Variants in ORC1 observed in about 807,000 individuals in gnomAD.
ORC1 encodes origin recognition complex, subunit 1 homolog.
ORC1 carries 61 observed loss-of-function variants against 98.9 expected under a neutral mutation model. That is an observed-to-expected ratio of 0.62 (90% CI 0.50 to 0.76). The LOEUF is 0.76. ORC1 is among the 30% of genes least tolerant of loss of function. The pLI, the probability that ORC1 is intolerant of heterozygous loss-of-function variation, is 0.00. For synonymous variants in ORC1, 385 were observed against 406.9 expected (o/e 0.95, Z 0.65); for missense variants, 979 against 1,072.2 (o/e 0.91, Z 1.21).
intron 11 of ORC1, 147 bp downstream of exon 11, chr1:52,384,403 G>T: frequency 1.3e-6 from 1 of 775,430 alleles, no homozygotes; most frequent in South Asian, 1.4e-5. Context: ...TAAGAATTCT[G>T]TCTTCCTTGC....
intron 9 of ORC1, among the ~76,000 whole-genome samples, chr1:52,385,628 G>A (rs1164465478): frequency 6.6e-6 from 1 of 152,192 alleles, no homozygotes; most frequent in Non-Finnish European, 1.5e-5. Context: ...GCAGTAGACG[G>A]GAAGGCCAGT....
chr1:52,396,129 T>TCAA lies in ORC1; in HGVS notation c.635_637dup (p.Ile212_Glu213insVal), dbSNP rs1647382840. On this transcript the variant is annotated inframe_insertion, in exon 5 of 17. Transcript: ENST00000371568. ...AGATTTGGAGGCGGAGTGCCTTGAT[T>TCAA]CAATCCTTTTGGCCACATGTTCTGC... 1 of 1,614,068 alleles carries TCAA rather than the reference T, an allele frequency of 6.2e-7. No homozygotes were observed. Among genetic ancestry groups the TCAA allele is most frequent in the Admixed American group, 1.7e-5 (1 of 60,002 alleles).
chr1:52,385,839 A>G lies in ORC1; in HGVS notation c.1481+13T>C. ...TTCCTGCCTCTCTGAAGGGGAATCA[A>G]CAGCAGCAGTACCTCAGTCGGGCTT... On this transcript the variant is annotated intron_variant, in intron 9 of 16. Transcript: ENST00000371568. 6.3e-7 allele frequency: 1 copy of G among 1,596,264 alleles called. No homozygotes were observed. The highest frequency in any genetic ancestry group is 8.6e-7 in the Non-Finnish European group (1 of 1,163,790).
intron 12 of ORC1, 43 bp from the exon 13 acceptor site, chr1:52,383,612 C>A: frequency 6.2e-7 from 1 of 1,609,762 alleles, no homozygotes; most frequent in African/African-American, 1.3e-5. Context: ...ATCACAGAGA[C>A]TGAGCTGGTG....
At chr1:52,395,706 C>T (rs1409763514) in intron 5 of ORC1, among the ~76,000 whole-genome samples, 1 of 152,190 alleles carries the variant, frequency 6.6e-6, no homozygotes, top group Non-Finnish European at 1.5e-5. Context: ...GTCCCAGCTA[C>T]TTGGGAGACT....
Position 52,388,503 on chromosome 1 carries a change from C to T in ORC1, c.1322G>A (p.Arg441Lys). The T allele has an allele frequency of 1.9e-6, 3 of 1,614,200 alleles. No homozygotes were observed. The highest frequency in any genetic ancestry group is 1.7e-6 in the Non-Finnish European group (2 of 1,180,026). ...LPRRAPRTVS[R>K]NLRSSLKSSL... Reference sequence around the variant, plus strand: ...TGACTTCAAGGAAGATCGCAGGTTCCTGGACACAGTTCTGGGTGCTCTCCT... The same window carrying T: ...TGACTTCAAGGAAGATCGCAGGTTCTTGGACACAGTTCTGGGTGCTCTCCT... The change falls in exon 8 of 17, where the codon AGG becomes AAG. Residue 441 changes from arginine (R) to lysine (K), a missense_variant. Coordinates refer to ENST00000371568, the MANE Select transcript of ORC1 (RefSeq NM_004153.4).
chr1:52,382,200 C>T (rs1376168324), intron 13 of ORC1, among the ~76,000 whole-genome samples: 2 of 152,088 alleles, frequency 1.3e-5, no homozygotes, highest in South Asian at 2.1e-4. Context: ...AGGATGGTCT[C>T]GATCTCCTGA....
Position 52,375,509 on chromosome 1 carries a change from A to T in ORC1, c.2224T>A (p.Ser742Thr), listed in dbSNP as rs1388509485. The T allele has an allele frequency of 1.2e-6, 2 of 1,613,998 alleles. No homozygotes were observed. The highest frequency in any genetic ancestry group is 2.7e-5 in the African/African-American group (2 of 74,908). Residue 742 changes from serine (S) to threonine (T), a missense_variant, in exon 15 of 17, where the codon TCC (serine) becomes ACC (threonine). Transcript: ENST00000371568. ...ICEFSQQKPD[S>T]PGLVTIAHSM... is the part of the protein sequence containing the mutation. The stretch of plus-strand genomic sequence containing the variant: ...TGGGCTATGGTGACCAGGCCAGGGG[A>T]GTCAGGCTTCTGCTGGGAGAACTCA...
chr1:52,382,180 C>T (rs548273483), intron 13 of ORC1, among the ~76,000 whole-genome samples: 1 of 152,050 alleles, frequency 6.6e-6, no homozygotes, highest in Non-Finnish European at 1.5e-5. Flanking sequence ...AGAGTTTCAC[C>T]GTGTTAGCCA....
chr1:52,387,081 C>T (rs889321448), intron 8 of ORC1, among the ~76,000 whole-genome samples: 5 of 152,094 alleles, frequency 3.3e-5, no homozygotes, highest in African/African-American at 1.2e-4. Flanking sequence ...GCTGAAGGTA[C>T]CCTACACCCT....
At chr1:52,389,144 G>T in intron 7 of ORC1, 73 bp downstream of exon 7, 1 of 1,066,878 alleles carries the variant, frequency 9.4e-7, no homozygotes, top group Non-Finnish European at 1.5e-6. Flanking sequence ...CAGTATAAGA[G>T]GCATTAGGAG....
At position 52,373,066 on chromosome 1, in the gene ORC1, A is replaced by G. The variant is rs1646953898; in HGVS notation, c.*115T>C. 9.0e-7 allele frequency: 1 copy of G among 1,111,714 alleles called. No individual in the cohort carries two copies. Among genetic ancestry groups the G allele is most frequent in the African/African-American group, 1.5e-5 (1 of 65,380 alleles). The allele number at this position is 1,111,714 out of a possible 1,614,324, so 68.9% of individuals were successfully genotyped here. On this transcript the variant is annotated 3_prime_UTR_variant, in exon 17 of 17. Coordinates refer to ENST00000371568, the MANE Select transcript of ORC1 (RefSeq NM_004153.4). ...GGGGTCACCTAAGCCTGAGAAGTCA[A>G]GGCTGCAGTGAGCCATGATCGTGCC...
upstream of ORC1, among the ~76,000 whole-genome samples, chr1:52,407,024 T>C (rs968895448): frequency 5.3e-5 from 8 of 151,960 alleles, no homozygotes; most frequent in East Asian, 1.3e-3. Context: ...GGAACAACTC[T>C]TTTTTTTGTT....
intron 4 of ORC1, 27 bp from the exon 5 acceptor site, chr1:52,396,391 G>A (rs1647398442): frequency 1.2e-6 from 2 of 1,613,824 alleles, no homozygotes; most frequent in Non-Finnish European, 1.7e-6. Context: ...TAGATAAGTA[G>A]GAAGAGATGA....
intron 3 of ORC1, among the ~76,000 whole-genome samples, chr1:52,399,399 C>A (rs987142606): frequency 6.6e-6 from 1 of 151,230 alleles, no homozygotes; most frequent in Non-Finnish European, 1.5e-5. Flanking sequence ...CTGAGGCGGG[C>A]GGATCATGAG....
At chr1:52,402,262 T>C (rs746522468) in intron 1 of ORC1, 34 bp from the exon 2 acceptor site, 2 of 1,490,880 alleles carry the variant, frequency 1.3e-6, no homozygotes, top group South Asian at 2.3e-5. Flanking sequence ...GTTACCATGA[T>C]AAATATTTGG....
chr1:52,383,770 C>T (rs2147923394), intron 12 of ORC1, 60 bp downstream of exon 12: 1 of 1,455,740 alleles, frequency 6.9e-7, no homozygotes, highest in Non-Finnish European at 9.6e-7. Context: ...CCCTCCCATC[C>T]AGCACTTGCT....
chr1:52,403,362 A>C (rs1165441604), intron 1 of ORC1, among the ~76,000 whole-genome samples: 1 of 152,230 alleles, frequency 6.6e-6, no homozygotes, highest in East Asian at 1.9e-4. Flanking sequence ...CATTTGATGA[A>C]TACTATGGAA....
rs778525482 is a variant in ORC1, at chr1:52,388,587, G to C, written c.1238C>G (p.Ala413Gly). 1.2e-6 allele frequency: 2 copies of C among 1,614,086 alleles called. No individual in the cohort carries two copies. Among genetic ancestry groups the C allele is most frequent in the East Asian group, 4.5e-5 (2 of 44,880 alleles). ...SDQEEKEILP[A>G]AEISDSSSDE... is the part of the protein sequence containing the mutation. The stretch of plus-strand genomic sequence containing the variant: ...ACTGCTAGAGTCTGAAATCTCTGCT[G>C]CTGGCAGAATCTCTTTCTCTTCTTG... Residue 413 changes from alanine (A) to glycine (G), a missense_variant, in exon 8 of 17, where the codon GCA (alanine) becomes GGA (glycine). Coordinates refer to ENST00000371568, the MANE Select transcript of ORC1 (RefSeq NM_004153.4).
Sources: gnomAD v4.1 joint callset for allele counts (sites outside exome capture counted in the v4.1 genomes callset) on GRCh38, gnomAD v4.1.1 for gene constraint, MANE v1.5 for transcripts, NCBI Gene and HGNC (gene_info 2026-07-23, HGNC 2026-07-21) for gene names.